The following CNTNAP5 variants were observed in gnomAD, a reference collection of about 807,000 sequenced individuals.
CNTNAP5 encodes the protein contactin-associated protein-like 5.
Under a neutral mutation model 150.2 loss-of-function variants are expected in CNTNAP5, and 72 were observed. The observed-to-expected ratio is 0.48, with a 90% CI of 0.40 to 0.58. The LOEUF is 0.58. Among genes scored for constraint, CNTNAP5 ranks in the 20% least tolerant of loss-of-function variants. The pLI is 0.00. For synonymous variants in CNTNAP5, 672 were observed against 619.8 expected (o/e 1.08, Z -1.25); for missense variants, 1,636 against 1,626.2 (o/e 1.01, Z -0.10).
intron 11 of CNTNAP5, among the ~76,000 whole-genome samples, chr2:124,597,556 T>G (rs12995929): frequency 3.7e-4 from 56 of 149,776 alleles, no homozygotes; most frequent in African/African-American, 1.3e-3. Flanking sequence ...CCCGAACTTT[T>G]TCTCTGGCTG....
intron 1 of CNTNAP5, among the ~76,000 whole-genome samples, chr2:124,110,245 G>C (rs1273095026): frequency 6.6e-6 from 1 of 152,108 alleles, no homozygotes; most frequent in Non-Finnish European, 1.5e-5. Context: ...TGCTCCTTTT[G>C]TACTGAGCAC....
intron 19 of CNTNAP5, among the ~76,000 whole-genome samples, chr2:124,822,420 TAC>T: frequency 6.6e-6 from 1 of 152,324 alleles, no homozygotes; most frequent in Middle Eastern, 3.4e-3. Flanking sequence ...AAAACATAAT[TAC>T]AGTCATACTA....
At chr2:124,768,547 C>T (rs955617687) in intron 16 of CNTNAP5, among the ~76,000 whole-genome samples, 2 of 152,022 alleles carry the variant, frequency 1.3e-5, no homozygotes, top group African/African-American at 2.4e-5. Context: ...TCTTTACATT[C>T]CTGATTTCAT....
At chr2:124,061,802 T>C (rs1682017016) in intron 1 of CNTNAP5, among the ~76,000 whole-genome samples, 1 of 152,208 alleles carries the variant, frequency 6.6e-6, no homozygotes, top group South Asian at 2.1e-4. Flanking sequence ...ATATCTCCTC[T>C]TCTCAACCTG....
intron 18 of CNTNAP5, among the ~76,000 whole-genome samples, chr2:124,792,501 AT>A (rs1340964542): frequency 6.6e-6 from 1 of 151,914 alleles, no homozygotes; most frequent in African/African-American, 2.4e-5. Context: ...TGTTTTGTGT[AT>A]TTTTTCTCTC....
intron 3 of CNTNAP5, among the ~76,000 whole-genome samples, chr2:124,326,358 T>A (rs751842518): frequency 6.2e-4 from 94 of 152,180 alleles, no homozygotes; most frequent in Non-Finnish European, 1.1e-3. Context: ...TGGTGTGCAT[T>A]TGTGTGTGTG....
intron 10 of CNTNAP5, among the ~76,000 whole-genome samples, chr2:124,533,775 A>G (rs987345002): frequency 6.6e-6 from 1 of 152,210 alleles, no homozygotes; most frequent in Non-Finnish European, 1.5e-5. Context: ...AATAACAAGG[A>G]AAATGATCAG....
At position 124,852,763 on chromosome 2, in the gene CNTNAP5, A is replaced by G. The variant is rs1573661671; in HGVS notation, c.3218-12543A>G. On this transcript the variant is annotated intron_variant, in intron 19 of 23. Transcript: ENST00000682447. ...TGATGGACTGCCTTGCGGCATGGTG[A>G]AGACCTGGAAAGAAGTGCAAAGATG... 2.0e-5 allele frequency among the ~76,000 whole-genome samples: 3 copies of G among 152,196 alleles called. No homozygotes were observed. The East Asian group carries it at 5.8e-4, about 29-fold the overall frequency.
At chr2:124,362,860 AT>A (rs1244014617) in intron 3 of CNTNAP5, among the ~76,000 whole-genome samples, 1 of 152,244 alleles carries the variant, frequency 6.6e-6, no homozygotes. Context: ...ACTACATTCT[AT>A]TTTTTTGTTC....
chr2:124,345,605 T>G (rs1252027482), intron 3 of CNTNAP5, among the ~76,000 whole-genome samples: 1 of 152,234 alleles, frequency 6.6e-6, no homozygotes, highest in Non-Finnish European at 1.5e-5. Context: ...AACTCTTTCA[T>G]ATGTCTGTCT....
intron 1 of CNTNAP5, among the ~76,000 whole-genome samples, chr2:124,170,360 G>A (rs187831320): frequency 3.3e-5 from 5 of 152,080 alleles, no homozygotes; most frequent in Admixed American, 1.3e-4. Flanking sequence ...AGCCCAATAT[G>A]GATTTGACTT....
At chr2:124,888,553 G>A (rs1405751447) in intron 21 of CNTNAP5, among the ~76,000 whole-genome samples, 1 of 152,008 alleles carries the variant, frequency 6.6e-6, no homozygotes, top group East Asian at 1.9e-4. Context: ...GAACTAATTT[G>A]GATTTCTACC....
chr2:124,250,732 T>C (rs1687150116), intron 3 of CNTNAP5, among the ~76,000 whole-genome samples: 1 of 151,536 alleles, frequency 6.6e-6, no homozygotes, highest in South Asian at 2.1e-4. Flanking sequence ...GGTGTCTACC[T>C]GGCTCTAGCC....
At chr2:124,776,423 T>C (rs1218180979) in intron 17 of CNTNAP5, among the ~76,000 whole-genome samples, 5 of 152,154 alleles carry the variant, frequency 3.3e-5, no homozygotes, top group Non-Finnish European at 7.4e-5. Flanking sequence ...ATTGCTGTTC[T>C]TGCTTCCAGG....
At position 124,152,648 on chromosome 2, in the gene CNTNAP5, AT is replaced by A. The variant is rs145351640; in HGVS notation, c.83-69055del. 9.2e-3 allele frequency among the ~76,000 whole-genome samples: 1,401 copies of A among 152,216 alleles called. 26 individuals carry two copies. Among genetic ancestry groups the A allele is most frequent in the African/African-American group, 0.032 (1,343 of 41,522 alleles). ...GGACATGGGCTGAGAGCTGGAGAGA[AT>A]TCAGAAGGTAGAGAGGAATGAGGAG... On this transcript the variant is annotated intron_variant, in intron 1 of 23. Coordinates refer to ENST00000682447, the MANE Select transcript of CNTNAP5 (RefSeq NM_001367498.1).
At chr2:124,864,042 G>A (rs1249571305) in intron 19 of CNTNAP5, among the ~76,000 whole-genome samples, 1 of 152,058 alleles carries the variant, frequency 6.6e-6, no homozygotes, top group Non-Finnish European at 1.5e-5. Flanking sequence ...AGACAGAAAA[G>A]GACAGCAAGC....
intron 19 of CNTNAP5, among the ~76,000 whole-genome samples, chr2:124,844,589 G>A (rs1412044238): frequency 6.6e-6 from 1 of 151,968 alleles, no homozygotes; most frequent in African/African-American, 2.4e-5. Context: ...ATTGTTTTTG[G>A]CACTATGGTC....
intron 13 of CNTNAP5, among the ~76,000 whole-genome samples, chr2:124,714,638 C>T (rs969166765): frequency 1.3e-5 from 2 of 151,822 alleles, no homozygotes; most frequent in South Asian, 4.1e-4. Context: ...TGCAACACTG[C>T]TAGTGAGTTC....
At chr2:124,363,629 A>G (rs1690281014) in intron 3 of CNTNAP5, among the ~76,000 whole-genome samples, 1 of 152,208 alleles carries the variant, frequency 6.6e-6, no homozygotes, top group Non-Finnish European at 1.5e-5. Context: ...GTTGTACAGC[A>G]TAGTTCCTAT....
Sources: allele counts gnomAD v4.1 joint callset (sites outside exome capture counted in the v4.1 genomes callset), GRCh38; gene constraint gnomAD v4.1.1; transcripts MANE v1.5; gene names NCBI Gene and HGNC (gene_info 2026-07-23, HGNC 2026-07-21).